Variants in BMAL1 observed in about 807,000 individuals in gnomAD.
BMAL1 encodes basic helix-loop-helix ARNT-like protein 1.
the BMAL1 span, chr11:13,380,842 T>C: frequency 1.5e-5 from 3 of 198,774 alleles, no homozygotes; most frequent in South Asian, 1.5e-4. Context: ...GTCAGTGAGA[T>C]GCTTGACTCT....
chr11:13,330,690 T>A, the BMAL1 span, among the ~76,000 whole-genome samples: 15 of 152,264 alleles, frequency 9.9e-5, no homozygotes, highest in African/African-American at 3.6e-4. Context: ...TAGAATAGTA[T>A]ACTTATGTTC....
the BMAL1 span, among the ~76,000 whole-genome samples, chr11:13,286,874 A>G: frequency 9.2e-5 from 14 of 152,206 alleles, no homozygotes; most frequent in Non-Finnish European, 1.9e-4. Flanking sequence ...AAGTGCCCTT[A>G]GGGAATGGAA....
At chr11:13,293,891 A>G in the BMAL1 span, among the ~76,000 whole-genome samples, 6 of 152,262 alleles carry the variant, frequency 3.9e-5, no homozygotes, top group African/African-American at 4.8e-5. Flanking sequence ...AAGGCCACCA[A>G]AACTTGATTT....
At chr11:13,319,328 C>G in the BMAL1 span, among the ~76,000 whole-genome samples, 1 of 152,186 alleles carries the variant, frequency 6.6e-6, no homozygotes, top group Non-Finnish European at 1.5e-5. Flanking sequence ...CACGTGTGAA[C>G]TTTTGCCTGA....
the BMAL1 span, among the ~76,000 whole-genome samples, chr11:13,280,828 C>G: frequency 6.6e-6 from 1 of 152,232 alleles, no homozygotes; most frequent in Non-Finnish European, 1.5e-5. Context: ...TGTCCTGTCT[C>G]TATCCCCATC....
the BMAL1 span, among the ~76,000 whole-genome samples, chr11:13,320,185 T>C: frequency 6.6e-6 from 1 of 152,168 alleles, no homozygotes; most frequent in Non-Finnish European, 1.5e-5. Context: ...GGCTTCTTCT[T>C]AGAAGGACAG....
At chr11:13,336,226 A>G in the BMAL1 span, among the ~76,000 whole-genome samples, 1 of 152,236 alleles carries the variant, frequency 6.6e-6, no homozygotes, top group Non-Finnish European at 1.5e-5. Flanking sequence ...ATCCTAAAAG[A>G]GCCTGAAACA....
chr11:13,356,900 A>G, the BMAL1 span: 8 of 1,590,442 alleles, frequency 5.0e-6, no homozygotes, highest in African/African-American at 1.3e-5. Context: ...GGAGGCCGTG[A>G]GCCTGTGGGC....
chr11:13,370,858 T>C, the BMAL1 span, among the ~76,000 whole-genome samples: 4 of 152,244 alleles, frequency 2.6e-5, no homozygotes, highest in African/African-American at 9.6e-5. Context: ...TAAGCACATG[T>C]GAGCCATGTT....
At chr11:13,277,447 G>T in the BMAL1 span, among the ~76,000 whole-genome samples, 3,497 of 152,316 alleles carry the variant, frequency 0.023, 63 homozygotes, top group Middle Eastern at 0.041. Flanking sequence ...CAGGGAGCGC[G>T]CGCGGATTGG....
At chr11:13,340,980 C>T in the BMAL1 span, among the ~76,000 whole-genome samples, 2 of 152,334 alleles carry the variant, frequency 1.3e-5, no homozygotes, top group African/African-American at 4.8e-5. Context: ...TTGCCTAGGA[C>T]ATGCAGCTAG....
At chr11:13,356,941 C>T in the BMAL1 span, 2 of 1,588,408 alleles carry the variant, frequency 1.3e-6, no homozygotes, top group Non-Finnish European at 1.7e-6. Flanking sequence ...CCCCAGTCCC[C>T]TTGTGTGTCT....
the BMAL1 span, among the ~76,000 whole-genome samples, chr11:13,323,712 G>A: frequency 6.6e-6 from 1 of 152,154 alleles, no homozygotes; most frequent in Non-Finnish European, 1.5e-5. Context: ...CGCCTCCCGG[G>A]TTTGAGAAAT....
At chr11:13,333,186 C>T in the BMAL1 span, among the ~76,000 whole-genome samples, 2 of 152,070 alleles carry the variant, frequency 1.3e-5, 1 homozygote, top group Middle Eastern at 6.4e-3. Flanking sequence ...AGGCTGGTCT[C>T]GAACTCCTGA....
chr11:13,283,914 T>G, the BMAL1 span, among the ~76,000 whole-genome samples: 1 of 151,668 alleles, frequency 6.6e-6, no homozygotes, highest in Non-Finnish European at 1.5e-5. Context: ...GCTCCTTGTG[T>G]GAGATGAACC....
the BMAL1 span, chr11:13,356,381 G>T: frequency 1.4e-5 from 7 of 511,164 alleles, no homozygotes; most frequent in Non-Finnish European, 2.3e-5. Flanking sequence ...ATGATGGGGG[G>T]GGAGAATGAG....
the BMAL1 span, among the ~76,000 whole-genome samples, chr11:13,334,600 A>G: frequency 6.7e-6 from 1 of 149,030 alleles, no homozygotes; most frequent in African/African-American, 2.5e-5. Context: ...TCATGGTTTT[A>G]TGGCCAGAAA....
chr11:13,378,618 C>T, the BMAL1 span: 4 of 811,324 alleles, frequency 4.9e-6, no homozygotes, highest in Admixed American at 1.2e-4. Flanking sequence ...GCTTGTTAAA[C>T]ATCCTACAGT....
the BMAL1 span, among the ~76,000 whole-genome samples, chr11:13,373,182 T>C: frequency 2.6e-3 from 398 of 152,274 alleles, 10 homozygotes; most frequent in Admixed American, 0.015. Flanking sequence ...CCAACCTCCT[T>C]ATTTTATGGA....
Sources: gnomAD v4.1 joint callset for allele counts (sites outside exome capture counted in the v4.1 genomes callset) on GRCh38, gnomAD v4.1.1 for gene constraint, MANE v1.5 for transcripts, NCBI Gene and HGNC (gene_info 2026-07-23, HGNC 2026-07-21) for gene names.